LIMD1: variants seen among roughly 807,000 people sequenced by gnomAD.
LIMD1 encodes the protein LIM domain-containing protein 1.
LIMD1 carries 23 observed loss-of-function variants against 58.4 expected under a neutral mutation model. The observed-to-expected ratio is 0.39, with a 90% CI of 0.28 to 0.56. The LOEUF (loss-of-function observed/expected upper bound fraction) is 0.56, where lower values mean the gene tolerates loss of function less well. Ranked by LOEUF, LIMD1 falls within the 20% of genes least tolerant of loss-of-function variation. The probability of loss-of-function intolerance (pLI) is 0.57; values close to 1 mark genes in which losing one functional copy is unlikely to be tolerated. For synonymous variants in LIMD1, 334 were observed against 345.5 expected, an observed-to-expected ratio of 0.97 and a Z score of 0.37; for missense variants, 838 against 855.5, an observed-to-expected ratio of 0.98 and a Z score of 0.25.
chr3:45,651,432 G>A (rs1039929913), intron 2 of LIMD1, among the ~76,000 whole-genome samples: 3 of 152,136 alleles, frequency 2.0e-5, no homozygotes, highest in Non-Finnish European at 4.4e-5. Context: ...GAATGGTACT[G>A]CCTAGATTTT....
At chr3:45,647,278 T>C (rs1002674273) in intron 2 of LIMD1, among the ~76,000 whole-genome samples, 1 of 152,232 alleles carries the variant, frequency 6.6e-6, no homozygotes, top group Non-Finnish European at 1.5e-5. Flanking sequence ...CGTAAGATCC[T>C]GTTGATTTGA....
chr3:45,611,892 T>C (rs1110650), intron 1 of LIMD1, among the ~76,000 whole-genome samples: 47,503 of 152,112 alleles, frequency 0.31, 8,787 homozygotes, highest in Middle Eastern at 0.46. Context: ...GGGTTGCCCA[T>C]GCCTGACGGT....
rs1346489019 is a variant in LIMD1, at chr3:45,680,052, C to T, written c.*2993C>T. On this transcript the variant is annotated 3_prime_UTR_variant, in exon 8 of 8. Coordinates refer to ENST00000273317, the MANE Select transcript of LIMD1 (RefSeq NM_014240.3). Reference sequence around the variant, plus strand: ...TCTGGTCACCCTCAAGCGCCGTCATCGCCTTGTTTCCATGGGCTTCTGTCA... The same window carrying T: ...TCTGGTCACCCTCAAGCGCCGTCATTGCCTTGTTTCCATGGGCTTCTGTCA... 1 of 152,148 alleles carries T rather than the reference C, an allele frequency of 6.6e-6. No homozygotes were observed. The highest frequency in any genetic ancestry group is 2.4e-5 in the African/African-American group (1 of 41,406). The allele number at this position is 152,148 out of a possible 1,614,324, so 9.4% of individuals were successfully genotyped here.
intron 1 of LIMD1, among the ~76,000 whole-genome samples, chr3:45,603,625 G>C (rs936296070): frequency 3.3e-5 from 5 of 152,158 alleles, no homozygotes; most frequent in African/African-American, 1.2e-4. Flanking sequence ...GCACACCCAG[G>C]GATATGGGGA....
intron 1 of LIMD1, among the ~76,000 whole-genome samples, chr3:45,610,635 C>T (rs1559514467): frequency 6.6e-6 from 1 of 152,166 alleles, no homozygotes. Flanking sequence ...ATCTGCCACC[C>T]CCCAGCTCTG....
At chr3:45,607,647 A>T (rs1701480457) in intron 1 of LIMD1, among the ~76,000 whole-genome samples, 1 of 151,036 alleles carries the variant, frequency 6.6e-6, no homozygotes, top group Non-Finnish European at 1.5e-5. Flanking sequence ...AAGGATAGTG[A>T]CTGAGGTACT....
At chr3:45,662,195 A>G (rs1048129044) in intron 2 of LIMD1, among the ~76,000 whole-genome samples, 1 of 152,182 alleles carries the variant, frequency 6.6e-6, no homozygotes, top group Admixed American at 6.5e-5. Context: ...TTTTCATATT[A>G]GAGTTACATC....
rs1559522524 is a variant in LIMD1, at chr3:45,651,288, G to A, written c.1511-14362G>A. 1.3e-5 allele frequency among the ~76,000 whole-genome samples: 2 copies of A among 152,230 alleles called. 1 individual carries two copies. Among genetic ancestry groups the A allele is most frequent in the African/African-American group, 4.8e-5 (2 of 41,554 alleles). On this transcript the variant is annotated intron_variant, in intron 2 of 7. Coordinates refer to ENST00000273317, the MANE Select transcript of LIMD1 (RefSeq NM_014240.3). ...TTTTCTCCCATTCTGTAGGTTGCCT[G>A]TTCACTCTGATGGTAGTTTCTTTTG... is the stretch of plus-strand genomic sequence containing the variant.
intron 7 of LIMD1, 35 bp downstream of exon 7, chr3:45,674,446 T>C: frequency 6.6e-7 from 1 of 1,504,804 alleles, no homozygotes; most frequent in Non-Finnish European, 9.2e-7. Context: ...CAAAGCCCAT[T>C]GTAGACATCC....
intron 2 of LIMD1, among the ~76,000 whole-genome samples, chr3:45,653,907 C>CAAAAA (rs35185922): frequency 3.1e-4 from 23 of 74,798 alleles, no homozygotes; most frequent in African/African-American, 9.3e-4. Context: ...AAGACTGTCT[C>CAAAAA]AAAAAAAAAA....
At position 45,677,089 on chromosome 3, in the gene LIMD1, G is replaced by C. The variant is rs1697681907; in HGVS notation, c.*30G>C. 6 of 1,603,954 alleles carry C rather than the reference G, an allele frequency of 3.7e-6. No individual in the cohort carries two copies. The highest frequency in any genetic ancestry group is 4.3e-6 in the Non-Finnish European group (5 of 1,174,316). ...AGCCACTTGCAGACATCACGGCAGGGGATGAGGAGCCGGGGTTGCTGCTGC... is the reference window on the plus strand; with the variant it reads ...AGCCACTTGCAGACATCACGGCAGGCGATGAGGAGCCGGGGTTGCTGCTGC... On this transcript the variant is annotated 3_prime_UTR_variant, in exon 8 of 8. Coordinates refer to ENST00000273317, the MANE Select transcript of LIMD1 (RefSeq NM_014240.3).
intron 4 of LIMD1, among the ~76,000 whole-genome samples, chr3:45,669,951 G>A (rs569415398): frequency 2.2e-4 from 33 of 152,242 alleles, no homozygotes; most frequent in African/African-American, 7.9e-4. Context: ...AAACATCAGT[G>A]ACCCACAGCC....
intron 4 of LIMD1, among the ~76,000 whole-genome samples, chr3:45,670,023 T>C (rs1373908977): frequency 6.6e-6 from 1 of 152,178 alleles, no homozygotes; most frequent in Non-Finnish European, 1.5e-5. Context: ...GCAGAGGTCT[T>C]AGCCCTATTA....
At chr3:45,610,202 C>G (rs534594368) in intron 1 of LIMD1, among the ~76,000 whole-genome samples, 1 of 152,094 alleles carries the variant, frequency 6.6e-6, no homozygotes, top group Non-Finnish European at 1.5e-5. Flanking sequence ...AAAGACTTCT[C>G]GAATGAATAT....
intron 1 of LIMD1, among the ~76,000 whole-genome samples, chr3:45,633,341 A>T (rs1416496935): frequency 1.3e-5 from 2 of 152,212 alleles, no homozygotes; most frequent in African/African-American, 4.8e-5. Context: ...TGCTTTACAT[A>T]GATCATTTGT....
At position 45,683,998 on chromosome 3, in the gene LIMD1, G is replaced by A. The variant is rs1025260478; in HGVS notation, c.*6939G>A. On this transcript the variant is annotated 3_prime_UTR_variant, in exon 8 of 8. Coordinates refer to ENST00000273317, the MANE Select transcript of LIMD1 (RefSeq NM_014240.3). ...TCTTCAGGAATCCCTGAAAGTGGGG[G>A]TTTGCAATTTTCCCTGGATTGAAAA... 2.4e-4 allele frequency: 36 copies of A among 152,290 alleles called. 1 individual carries two copies. The highest frequency in any genetic ancestry group is 7.9e-4 in the African/African-American group (33 of 41,554). 9.4% of individuals were successfully genotyped at this position (152,290 alleles called of 1,614,324 possible). A position where few individuals can be genotyped will look rare whatever the true frequency, so the allele number is the denominator to read the frequency against.
chr3:45,641,863 G>A (rs893787684), intron 2 of LIMD1, among the ~76,000 whole-genome samples: 2 of 152,202 alleles, frequency 1.3e-5, no homozygotes, highest in Non-Finnish European at 2.9e-5. Flanking sequence ...ATTTTAGACT[G>A]CAGCTAAGTG....
At chr3:45,621,049 T>C (rs892807541) in intron 1 of LIMD1, among the ~76,000 whole-genome samples, 11 of 152,092 alleles carry the variant, frequency 7.2e-5, no homozygotes, top group Non-Finnish European at 1.2e-4. Context: ...CAAACCCCAG[T>C]TCGGGACAGC....
intron 2 of LIMD1, among the ~76,000 whole-genome samples, chr3:45,663,245 C>A (rs1575364690): frequency 6.6e-6 from 1 of 152,274 alleles, no homozygotes; most frequent in East Asian, 1.9e-4. Context: ...TCTAGTTTTT[C>A]CATAACAACG....
Sources: allele counts gnomAD v4.1 joint callset (sites outside exome capture counted in the v4.1 genomes callset), GRCh38; gene constraint gnomAD v4.1.1; transcripts MANE v1.5; gene names NCBI Gene and HGNC (gene_info 2026-07-23, HGNC 2026-07-21).